The following STOX2 variants were observed in gnomAD, a reference collection of about 807,000 sequenced individuals.
STOX2 encodes storkhead box 2, also known as storkhead-box protein 2.
In STOX2, 28 loss-of-function variants were observed where a neutral mutation model predicts 60.9. The ratio of observed to expected loss-of-function variants is 0.46; its 90% CI spans 0.34 to 0.63. The LOEUF (loss-of-function observed/expected upper bound fraction) is 0.63, where lower values mean the gene tolerates loss of function less well. Ranked by LOEUF, STOX2 falls within the 30% of genes least tolerant of loss-of-function variation. The pLI, the probability that STOX2 is intolerant of heterozygous loss-of-function variation, is 0.01. For synonymous variants in STOX2, 472 were observed against 463.9 expected, an observed-to-expected ratio of 1.02 and a Z score of -0.22; for missense variants, 1,024 against 1,187.7, an observed-to-expected ratio of 0.86 and a Z score of 2.03.
chr4:183,827,166 C>A (rs756339703), intron 1 of STOX2, among the ~76,000 whole-genome samples: 3 of 152,028 alleles, frequency 2.0e-5, no homozygotes, highest in Non-Finnish European at 2.9e-5. Context: ...ATAAAAATAA[C>A]CCCTATTTTA....
chr4:183,898,082 G>A (rs10031743), intron 1 of STOX2, among the ~76,000 whole-genome samples: 37,370 of 151,934 alleles, frequency 0.25, 4,913 homozygotes, highest in East Asian at 0.37. Context: ...ATTTAAATTT[G>A]TAGCATAGTC....
chr4:183,982,804 T>C (rs1370186822), intron 1 of STOX2, among the ~76,000 whole-genome samples: 2 of 152,246 alleles, frequency 1.3e-5, no homozygotes, highest in African/African-American at 4.8e-5. Flanking sequence ...TGCTTCTCTC[T>C]GTTCCCTGGT....
intron 1 of STOX2, among the ~76,000 whole-genome samples, chr4:183,814,817 T>C (rs984142258): frequency 2.0e-5 from 3 of 152,152 alleles, no homozygotes; most frequent in African/African-American, 7.2e-5. Flanking sequence ...ATATTAATAC[T>C]GTGAATATTA....
Position 184,009,572 on chromosome 4 carries a change from A to T in STOX2, c.734A>T (p.Asn245Ile). Residue 245 changes from asparagine (N) to isoleucine (I), a missense_variant, in exon 3 of 4, where the codon AAT (asparagine) becomes ATT (isoleucine). By Grantham distance (149) the Asn-to-Ile change is moderately radical (BLOSUM62 -3). Transcript: ENST00000308497. The surrounding 1 kb of genome is among the most constrained non-coding windows in gnomAD (Gnocchi z 4.0). ...PPTEKSKSTV[N>I]FSYKTETLSK... Reference sequence around the variant, plus strand: ...ACTGAAAAGAGCAAAAGTACTGTAAATTTTTCCTATAAGACAGAAACTCTC... The same window carrying T: ...ACTGAAAAGAGCAAAAGTACTGTAATTTTTTCCTATAAGACAGAAACTCTC... The T allele has an allele frequency of 6.2e-7, 1 of 1,613,824 alleles. No individual in the cohort carries two copies. The highest frequency in any genetic ancestry group is 8.5e-7 in the Non-Finnish European group (1 of 1,179,818).
At chr4:183,926,737 G>C (rs948266758) in intron 1 of STOX2, among the ~76,000 whole-genome samples, 1 of 151,952 alleles carries the variant, frequency 6.6e-6, no homozygotes, top group African/African-American at 2.4e-5. Flanking sequence ...AGTTCTCCTG[G>C]CTCAGCCTCC....
At chr4:183,940,832 CTTTAT>C (rs1742733582) in intron 1 of STOX2, among the ~76,000 whole-genome samples, 1 of 152,210 alleles carries the variant, frequency 6.6e-6, no homozygotes, top group Non-Finnish European at 1.5e-5. Context: ...TTTGCAACCT[CTTTAT>C]TTTACTATTT....
chr4:184,007,015 C>CAAAA (rs61393267), intron 2 of STOX2, among the ~76,000 whole-genome samples: 799 of 52,720 alleles, frequency 0.015, 70 homozygotes, highest in African/African-American at 0.057. Context: ...GACTCTGTCT[C>CAAAA]AAAAAAAAAA....
chr4:183,931,261 T>C lies in STOX2; in HGVS notation c.166+24305T>C, dbSNP rs1458088129. On this transcript the variant is annotated intron_variant, in intron 1 of 3. Coordinates refer to ENST00000308497, the MANE Select transcript of STOX2 (RefSeq NM_020225.3). ...CAACATGGTGAAACCCCGTCTTTAC[T>C]AAAAATACAAAAATTAGCTGGGTAT... Among the ~76,000 whole-genome samples the C allele has an allele frequency of 3.3e-5, 5 of 152,294 alleles. No homozygotes were observed. The East Asian group carries it at 9.7e-4, about 29-fold the overall frequency.
At chr4:183,862,323 A>C (rs1206870948) in intron 1 of STOX2, among the ~76,000 whole-genome samples, 1 of 152,080 alleles carries the variant, frequency 6.6e-6, no homozygotes, top group Non-Finnish European at 1.5e-5. Context: ...TTACAGGCAC[A>C]TGCCATCACC....
In STOX2 at chr4:183,934,041, T is replaced by C. The variant is rs543438649; in HGVS notation, c.166+27085T>C. 1.9e-3 allele frequency among the ~76,000 whole-genome samples: 286 copies of C among 152,258 alleles called. 3 individuals are homozygous for C. Among genetic ancestry groups the C allele is most frequent in the African/African-American group, 6.6e-3 (273 of 41,574 alleles). On this transcript the variant is annotated intron_variant, in intron 1 of 3. Transcript: ENST00000308497. Reference sequence around the variant, plus strand: ...AATATTGGCCAGGTGTGGTGGCTCATGCCTGTGATCCTAGCACTTTGGGAG... The same window carrying C: ...AATATTGGCCAGGTGTGGTGGCTCACGCCTGTGATCCTAGCACTTTGGGAG...
At chr4:183,892,380 G>T (rs910275623) in intron 1 of STOX2, among the ~76,000 whole-genome samples, 1 of 152,178 alleles carries the variant, frequency 6.6e-6, no homozygotes, top group Non-Finnish European at 1.5e-5. Flanking sequence ...CCGGGTTCAC[G>T]CCATTCTCCT....
At chr4:183,805,674 A>G (rs1016242673) in intron 1 of STOX2, among the ~76,000 whole-genome samples, 2 of 152,184 alleles carry the variant, frequency 1.3e-5, no homozygotes, top group African/African-American at 4.8e-5. Context: ...TTAGCTGAGC[A>G]TGGTGCTGTG....
chr4:183,940,360 G>A (rs559274096), intron 1 of STOX2, among the ~76,000 whole-genome samples: 3 of 152,320 alleles, frequency 2.0e-5, no homozygotes, highest in South Asian at 4.1e-4. Flanking sequence ...GACTAAGCAG[G>A]TGTTTATGTC....
intron 1 of STOX2, among the ~76,000 whole-genome samples, chr4:183,975,609 A>T (rs1224850364): frequency 6.6e-6 from 1 of 152,084 alleles, no homozygotes; most frequent in East Asian, 1.9e-4. Flanking sequence ...GGCTGCCAAA[A>T]CTCACCCCAA....
rs1734108048 is a variant in STOX2 at position 184,010,609 on chromosome 4, T to C, written c.1771T>C (p.Cys591Arg). ...SLPSYGELNS[C>R]PTKTATDDYF... ...GCCATCCTATGGCGAACTCAACTCT[T>C]GTCCAACAAAAACAGCCACAGATGA... The change falls in exon 3 of 4, where the codon TGT (cysteine) becomes CGT (arginine). Residue 591 changes from cysteine to arginine, a missense_variant. By Grantham distance (180) the Cys-to-Arg change is radical. Coordinates refer to ENST00000308497, the MANE Select transcript of STOX2 (RefSeq NM_020225.3). The surrounding 1 kb of genome is among the most constrained non-coding windows in gnomAD (Gnocchi z 4.5). 5 of 1,613,982 alleles carry C rather than the reference T, an allele frequency of 3.1e-6. No individual in the cohort carries two copies. The highest frequency in any genetic ancestry group is 4.2e-6 in the Non-Finnish European group (5 of 1,179,882).
intron 1 of STOX2, among the ~76,000 whole-genome samples, chr4:183,861,177 GA>G (rs1427100466): frequency 6.6e-6 from 1 of 152,144 alleles, no homozygotes; most frequent in African/African-American, 2.4e-5. Context: ...AAATGACAGG[GA>G]GAAAAACACA....
intron 1 of STOX2, among the ~76,000 whole-genome samples, chr4:183,829,325 G>A (rs1447034872): frequency 1.3e-5 from 2 of 152,180 alleles, no homozygotes; most frequent in African/African-American, 4.8e-5. Context: ...GGGATTGTGA[G>A]TTGCAGTAGT....
intron 1 of STOX2, among the ~76,000 whole-genome samples, chr4:183,826,300 A>G (rs1266337005): frequency 2.0e-5 from 3 of 151,888 alleles, no homozygotes; most frequent in Middle Eastern, 3.2e-3. Flanking sequence ...TGACCCCTCC[A>G]TGGTTTCCCT....
At chr4:183,946,162 G>A (rs1261266208) in intron 1 of STOX2, among the ~76,000 whole-genome samples, 2 of 152,196 alleles carry the variant, frequency 1.3e-5, no homozygotes, top group African/African-American at 4.8e-5. Context: ...TGACCTCTCA[G>A]TGTTTAATAA....
Sources: gnomAD v4.1 joint callset for allele counts (sites outside exome capture counted in the v4.1 genomes callset) on GRCh38, gnomAD v4.1.1 for gene constraint, Gnocchi (gnomAD v3.1) non-coding constraint, MANE v1.5 for transcripts, NCBI Gene and HGNC (gene_info 2026-07-23, HGNC 2026-07-21) for gene names.